Variants in TSPAN5 observed in about 807,000 individuals in gnomAD.
TSPAN5 encodes the protein tetraspanin-5.
A neutral mutation model predicts 37.1 loss-of-function variants in TSPAN5; 10 were observed. The ratio of observed to expected loss-of-function variants is 0.27; its 90% CI spans 0.17 to 0.46. The LOEUF is 0.46. Ranked by LOEUF, TSPAN5 falls within the 20% of genes least tolerant of loss-of-function variation. The pLI is 1.00. For synonymous variants in TSPAN5, 110 were observed against 118.9 expected (o/e 0.93, Z 0.48); for missense variants, 195 against 326.6 (o/e 0.60, Z 3.11).
chr4:98,487,473 T>G (rs1752997082), intron 2 of TSPAN5, among the ~76,000 whole-genome samples: 1 of 152,182 alleles, frequency 6.6e-6, no homozygotes, highest in Non-Finnish European at 1.5e-5. Flanking sequence ...AAATGCCTAT[T>G]GCAAAGCCCT....
chr4:98,613,692 GA>G (rs1164399995), intron 1 of TSPAN5, among the ~76,000 whole-genome samples: 17 of 144,432 alleles, frequency 1.2e-4, no homozygotes, highest in Non-Finnish European at 2.1e-4. Flanking sequence ...ATACAACCAA[GA>G]AAAAAAAAAG....
chr4:98,541,045 T>A (rs1274250168), intron 1 of TSPAN5, among the ~76,000 whole-genome samples: 1 of 152,240 alleles, frequency 6.6e-6, no homozygotes, highest in Non-Finnish European at 1.5e-5. Flanking sequence ...TCTAGCAGTG[T>A]GATTTTGGAT....
chr4:98,566,897 G>A (rs145250048), intron 1 of TSPAN5, among the ~76,000 whole-genome samples: 183 of 152,282 alleles, frequency 1.2e-3, no homozygotes, highest in African/African-American at 4.1e-3. Flanking sequence ...AACAAGCCTC[G>A]GCCTCAAGAG....
intron 1 of TSPAN5, among the ~76,000 whole-genome samples, chr4:98,617,436 G>C (rs1451549572): frequency 6.6e-6 from 1 of 152,158 alleles, no homozygotes; most frequent in African/African-American, 2.4e-5. Flanking sequence ...GAGGATGTTA[G>C]CAAAGTCTGT....
chr4:98,627,942 G>C (rs181058574), intron 1 of TSPAN5, among the ~76,000 whole-genome samples: 2 of 152,340 alleles, frequency 1.3e-5, no homozygotes, highest in African/African-American at 4.8e-5. Context: ...GAAACTGGAA[G>C]TTACAGGCAA....
chr4:98,568,456 C>T (rs560830991), intron 1 of TSPAN5, among the ~76,000 whole-genome samples: 101 of 151,988 alleles, frequency 6.6e-4, no homozygotes, highest in African/African-American at 2.3e-3. Flanking sequence ...GCAGGAGAAT[C>T]GTTTGAACCC....
chr4:98,543,065 C>T (rs1431914354), intron 1 of TSPAN5, among the ~76,000 whole-genome samples: 3 of 152,148 alleles, frequency 2.0e-5, no homozygotes, highest in Admixed American at 2.0e-4. Flanking sequence ...AGTCTCCATG[C>T]ACACAGCACG....
intron 1 of TSPAN5, among the ~76,000 whole-genome samples, chr4:98,649,647 A>C (rs1388815730): frequency 6.6e-6 from 1 of 152,210 alleles, no homozygotes; most frequent in Non-Finnish European, 1.5e-5. Flanking sequence ...ACTTTGCAGA[A>C]AATTATTTTC....
intron 2 of TSPAN5, among the ~76,000 whole-genome samples, chr4:98,495,523 C>T (rs1368377389): frequency 1.1e-5 from 1 of 94,064 alleles, no homozygotes; most frequent in Non-Finnish European, 2.1e-5. Context: ...CAGAGAGAGC[C>T]TCCGTCTCAA....
At chr4:98,528,092 G>C (rs1754000216) in intron 1 of TSPAN5, among the ~76,000 whole-genome samples, 1 of 152,158 alleles carries the variant, frequency 6.6e-6, no homozygotes, top group South Asian at 2.1e-4. Flanking sequence ...GTGTTCCTCT[G>C]TCCGGCATAT....
Position 98,537,182 on chromosome 4 carries a change from C to G in TSPAN5, c.82-29454G>C, listed in dbSNP as rs997056471. ...TGGGTTGCGAAGACTGTGGAACAAG[C>G]GCAGTATCTATGCCGGAGTTCCTCA... On this transcript the variant is annotated intron_variant, in intron 1 of 7. Coordinates refer to ENST00000305798, the MANE Select transcript of TSPAN5 (RefSeq NM_005723.4). Among the ~76,000 whole-genome samples, 11 of 152,344 alleles carry G rather than the reference C, an allele frequency of 7.2e-5. 1 individual carries two copies. The South Asian group carries it at 2.1e-3, about 29-fold the overall frequency.
chr4:98,533,362 G>A (rs1754144994), intron 1 of TSPAN5, among the ~76,000 whole-genome samples: 1 of 151,852 alleles, frequency 6.6e-6, no homozygotes, highest in African/African-American at 2.4e-5. Context: ...CTCAATTTCA[G>A]AACTTGTTAT....
At chr4:98,550,884 G>C (rs922550718) in intron 1 of TSPAN5, among the ~76,000 whole-genome samples, 1 of 152,094 alleles carries the variant, frequency 6.6e-6, no homozygotes, top group Admixed American at 6.6e-5. Flanking sequence ...TCTCTTGCCT[G>C]ATTGCTCTGG....
In TSPAN5 at chr4:98,624,578, T is replaced by C. The variant is rs189341590; in HGVS notation, c.81+33568A>G. ...AAATTTTAGATACGGAGTGATACTC[T>C]GTTGTAAAAGCAAGAGCAAAAATTT... On this transcript the variant is annotated intron_variant, in intron 1 of 7. Coordinates refer to ENST00000305798, the MANE Select transcript of TSPAN5 (RefSeq NM_005723.4). 1.4e-4 allele frequency among the ~76,000 whole-genome samples: 21 copies of C among 152,330 alleles called. No homozygotes were observed. In the East Asian group the frequency reaches 2.9e-3, roughly 21 times the overall value.
intron 1 of TSPAN5, among the ~76,000 whole-genome samples, chr4:98,511,569 A>G (rs1282672700): frequency 1.3e-5 from 2 of 152,214 alleles, no homozygotes; most frequent in Non-Finnish European, 2.9e-5. Context: ...GTTGGCTGTT[A>G]ACTGAAACAT....
intron 1 of TSPAN5, among the ~76,000 whole-genome samples, chr4:98,654,131 C>T (rs1381506274): frequency 6.6e-6 from 1 of 152,210 alleles, no homozygotes; most frequent in African/African-American, 2.4e-5. Context: ...AGGCATCCTG[C>T]CCAGAGGGCC....
intron 1 of TSPAN5, among the ~76,000 whole-genome samples, chr4:98,621,902 CT>C (rs1185919533): frequency 6.6e-6 from 1 of 151,356 alleles, no homozygotes; most frequent in Non-Finnish European, 1.5e-5. Context: ...TTGTGTACGG[CT>C]TGTCACTTAG....
chr4:98,526,226 A>G (rs1167498144), intron 1 of TSPAN5, among the ~76,000 whole-genome samples: 1 of 152,236 alleles, frequency 6.6e-6, no homozygotes, highest in Non-Finnish European at 1.5e-5. Flanking sequence ...GTCAGGAAAC[A>G]GGAAAATTGA....
rs377269736 is a variant in TSPAN5, at chr4:98,539,817, T to G, written c.82-32089A>C. On this transcript the variant is annotated intron_variant, in intron 1 of 7. Coordinates refer to ENST00000305798, the MANE Select transcript of TSPAN5 (RefSeq NM_005723.4). ...AGAATACAACAGAAGTGCAGGAACA[T>G]CCTTTCTAAGATCAGCGTAGAAAAG... Among the ~76,000 whole-genome samples the G allele has an allele frequency of 9.7e-4, 124 of 128,202 alleles. 1 individual carries two copies. Among genetic ancestry groups the G allele is most frequent in the African/African-American group, 3.1e-3 (118 of 37,964 alleles). The allele number at this position is 128,202 out of a possible 152,430, so 84.1% of individuals were successfully genotyped here.
Sources: allele counts gnomAD v4.1 joint callset (sites outside exome capture counted in the v4.1 genomes callset), GRCh38; gene constraint gnomAD v4.1.1; transcripts MANE v1.5; gene names NCBI Gene and HGNC (gene_info 2026-07-23, HGNC 2026-07-21).